The following JAKMIP2 variants were observed in gnomAD, a reference collection of about 807,000 sequenced individuals.
JAKMIP2 encodes janus kinase and microtubule-interacting protein 2.
A neutral mutation model predicts 115.0 loss-of-function variants in JAKMIP2; 25 were observed. The ratio of observed to expected loss-of-function variants is 0.22; its 90% CI spans 0.16 to 0.30. The LOEUF is 0.30. Ranked by LOEUF, JAKMIP2 falls within the 10% of genes least tolerant of loss-of-function variation. The pLI, the probability that JAKMIP2 is intolerant of heterozygous loss-of-function variation, is 1.00. For missense variants in JAKMIP2, 642 were observed against 957.6 expected, an observed-to-expected ratio of 0.67 and a Z score of 4.35; for synonymous variants, 334 against 343.6, an observed-to-expected ratio of 0.97 and a Z score of 0.31.
chr5:147,623,744 T>TCAAGCA, intron 16 of JAKMIP2, 55 bp from the exon 17 acceptor site: 1 of 1,139,400 alleles, frequency 8.8e-7, no homozygotes, highest in Non-Finnish European at 1.3e-6. Context: ...ATGGTGTATA[T>TCAAGCA]CTGTGTGCCC....
At chr5:147,697,074 A>G (rs1752135677) in intron 1 of JAKMIP2, among the ~76,000 whole-genome samples, 2 of 152,202 alleles carry the variant, frequency 1.3e-5, no homozygotes, top group South Asian at 2.1e-4. Context: ...AGAAATTTGC[A>G]TAAGTAACAA....
At chr5:147,666,229 A>G (rs1759292744) in intron 2 of JAKMIP2, among the ~76,000 whole-genome samples, 1 of 152,210 alleles carries the variant, frequency 6.6e-6, no homozygotes, top group Non-Finnish European at 1.5e-5. Context: ...AAAGGCCAAT[A>G]AAAATTTTCT....
intron 1 of JAKMIP2, among the ~76,000 whole-genome samples, chr5:147,760,912 T>C (rs950447705): frequency 3.3e-5 from 5 of 152,106 alleles, no homozygotes; most frequent in African/African-American, 1.2e-4. Flanking sequence ...GGTTTCTCAC[T>C]GGTCTGGAAA....
In JAKMIP2 at chr5:147,661,021, C is replaced by T. The variant is rs765897999; in HGVS notation, c.554G>A (p.Arg185Gln). ...QADKIKAGDL[R>Q]SEHQSHQEAI... The stretch of plus-strand genomic sequence containing the variant: ...TTCTTGGTGGGACTGATGCTCACTC[C>T]GAAGGTCCCCAGCCTTGATTTTATC... Residue 185 changes from arginine to glutamine, a missense_variant, in exon 3 of 22, where the codon CGG becomes CAG. This residue lies in a region of JAKMIP2 where 439 missense variants were observed against 570.9 expected (regional missense o/e 0.77). Coordinates refer to ENST00000616793, the MANE Select transcript of JAKMIP2 (RefSeq NM_001270941.2). 2.4e-5 allele frequency: 38 copies of T among 1,613,968 alleles called. No homozygotes were observed. The highest frequency in any genetic ancestry group is 3.2e-5 in the Non-Finnish European group (38 of 1,180,000).
intron 1 of JAKMIP2, among the ~76,000 whole-genome samples, chr5:147,702,642 AAGAAAGAAAGAAAGAAAGAAAGAGAG>A (rs1361796140): frequency 4.2e-4 from 57 of 134,268 alleles, no homozygotes; most frequent in African/African-American, 8.7e-4. Context: ...GAAAGAAAGA[AAGAAAGAAAGAAAGAAAGAAAGAGAG>A]AGAAAGAAAG....
chr5:147,618,191 T>C (rs1447782659), intron 18 of JAKMIP2, 77 bp from the exon 19 acceptor site: 2 of 1,047,426 alleles, frequency 1.9e-6, no homozygotes, highest in East Asian at 2.4e-5. Flanking sequence ...GCTATGTATG[T>C]ATATGTATAT....
intron 1 of JAKMIP2, among the ~76,000 whole-genome samples, chr5:147,728,294 G>C (rs988765465): frequency 1.3e-5 from 2 of 152,110 alleles, no homozygotes; most frequent in African/African-American, 4.8e-5. Flanking sequence ...GCTCCCATCA[G>C]GGTGGGCTAA....
intron 1 of JAKMIP2, among the ~76,000 whole-genome samples, chr5:147,770,606 C>T (rs1158709474): frequency 1.3e-5 from 2 of 151,922 alleles, no homozygotes; most frequent in African/African-American, 4.8e-5. Context: ...TTGTTCATAG[C>T]GTTAAATTCT....
intron 4 of JAKMIP2, 46 bp downstream of exon 4, chr5:147,650,292 T>G (rs1561514233): frequency 1.6e-6 from 2 of 1,240,844 alleles, no homozygotes; most frequent in Admixed American, 3.4e-5. Context: ...GGGAGCTAAA[T>G]AAAAGATGAC....
chr5:147,746,572 G>A (rs1754353241), intron 1 of JAKMIP2, among the ~76,000 whole-genome samples: 1 of 151,762 alleles, frequency 6.6e-6, no homozygotes, highest in Non-Finnish European at 1.5e-5. Context: ...TTATCATGGA[G>A]TCTGAAACAT....
At chr5:147,632,641 T>C in intron 13 of JAKMIP2, 39 bp downstream of exon 13, 2 of 1,286,110 alleles carry the variant, frequency 1.6e-6, no homozygotes, top group Non-Finnish European at 2.3e-6. Context: ...ATGTTAATCA[T>C]TACGATTATT....
intron 9 of JAKMIP2, 145 bp downstream of exon 9, chr5:147,640,558 AG>A: frequency 1.4e-6 from 1 of 729,026 alleles, no homozygotes; most frequent in South Asian, 2.5e-5. Flanking sequence ...GAGATAATAA[AG>A]TGCAGCCTCA....
intron 10 of JAKMIP2, among the ~76,000 whole-genome samples, chr5:147,638,351 C>G (rs896433383): frequency 3.3e-5 from 5 of 151,802 alleles, no homozygotes; most frequent in African/African-American, 1.2e-4. Context: ...AAAGAAGTCT[C>G]CTTTTTTTGG....
rs1462687234 is a variant in JAKMIP2 at position 147,727,761 on chromosome 5, C to G, written c.-149+54695G>C. On this transcript the variant is annotated intron_variant, in intron 1 of 21. Coordinates refer to ENST00000616793, the MANE Select transcript of JAKMIP2 (RefSeq NM_001270941.2). ...GCTCAATTAAAAGCAGATATTCAAG[C>G]TATAGGTATATTTTAAAGGCCTTTA... 2.0e-5 allele frequency among the ~76,000 whole-genome samples: 3 copies of G among 152,158 alleles called. No individual in the cohort carries two copies. In the East Asian group the frequency reaches 5.8e-4, roughly 29 times the overall value.
At chr5:147,737,997 T>C (rs1471396109) in intron 1 of JAKMIP2, among the ~76,000 whole-genome samples, 1 of 152,156 alleles carries the variant, frequency 6.6e-6, no homozygotes, top group Non-Finnish European at 1.5e-5. Flanking sequence ...ACAAGTTTTT[T>C]TTTTCCTTAA....
chr5:147,675,972 T>A (rs4705190), intron 1 of JAKMIP2, among the ~76,000 whole-genome samples: 1 of 152,110 alleles, frequency 6.6e-6, no homozygotes, highest in Non-Finnish European at 1.5e-5. Context: ...TTTGTGTAAG[T>A]GGCTTAAGGT....
chr5:147,660,047 G>A (rs149277502), intron 3 of JAKMIP2, among the ~76,000 whole-genome samples: 84 of 152,244 alleles, frequency 5.5e-4, no homozygotes, highest in African/African-American at 1.9e-3. Context: ...TTCCGGAGAA[G>A]CATAAAGTAC....
intron 1 of JAKMIP2, among the ~76,000 whole-genome samples, chr5:147,686,125 T>C (rs1760557686): frequency 6.6e-6 from 1 of 152,208 alleles, no homozygotes; most frequent in South Asian, 2.1e-4. Context: ...CTTTGGGCTC[T>C]AAAGTGCCTC....
intron 1 of JAKMIP2, among the ~76,000 whole-genome samples, chr5:147,708,238 G>A (rs1001358544): frequency 1.1e-4 from 16 of 152,138 alleles, no homozygotes; most frequent in East Asian, 1.9e-4. Flanking sequence ...AATGTGGACC[G>A]AAGAAAGATT....
Sources: allele counts gnomAD v4.1 joint callset (sites outside exome capture counted in the v4.1 genomes callset), GRCh38; gene constraint gnomAD v4.1.1; regional missense constraint gnomAD v4.1.1; transcripts MANE v1.5; gene names NCBI Gene and HGNC (gene_info 2026-07-23, HGNC 2026-07-21).